The following KCNIP1 variants were observed in gnomAD, a reference collection of about 807,000 sequenced individuals.
KCNIP1 encodes potassium voltage-gated channel interacting protein 1, also known as A-type potassium channel modulatory protein KCNIP1.
KCNIP1 carries 18 observed loss-of-function variants against 33.0 expected under a neutral mutation model. The ratio of observed to expected loss-of-function variants is 0.55; its 90% CI spans 0.38 to 0.81. The LOEUF is 0.81. Ranked by LOEUF, KCNIP1 falls within the 30% of genes least tolerant of loss-of-function variation. The pLI, the probability that KCNIP1 is intolerant of heterozygous loss-of-function variation, is 0.00. For missense variants in KCNIP1, 238 were observed against 271.6 expected (o/e 0.88, Z 0.87); for synonymous variants, 93 against 98.3 (o/e 0.95, Z 0.32).
rs182195770 is a variant in KCNIP1, at chr5:170,567,584, A to T, written c.61+62951A>T. ...CTAACAATCATCACAGAAGCAGCAA[A>T]GATCAAGAAGCAATGGGGAAGGACA... On this transcript the variant is annotated intron_variant, in intron 1 of 7. Coordinates refer to ENST00000328939, the MANE Select transcript of KCNIP1 (RefSeq NM_014592.4). Among the ~76,000 whole-genome samples, 11 of 152,350 alleles carry T rather than the reference A, an allele frequency of 7.2e-5. No individual in the cohort carries two copies. In the East Asian group the frequency reaches 2.1e-3, roughly 29 times the overall value.
intron 1 of KCNIP1, among the ~76,000 whole-genome samples, chr5:170,421,157 T>C (rs1009774976): frequency 6.6e-6 from 1 of 152,158 alleles, no homozygotes. Context: ...CCAGAGAAGA[T>C]GTACAGCCAT....
chr5:170,705,561 C>A (rs557783512), intron 1 of KCNIP1, among the ~76,000 whole-genome samples: 1 of 152,350 alleles, frequency 6.6e-6, no homozygotes, highest in East Asian at 1.9e-4. Flanking sequence ...CCACCACCCA[C>A]AGACCCCCTG....
intron 1 of KCNIP1, among the ~76,000 whole-genome samples, chr5:170,661,023 T>C (rs1761463975): frequency 6.6e-6 from 1 of 152,172 alleles, no homozygotes; most frequent in African/African-American, 2.4e-5. Context: ...AGGTGGCTGA[T>C]GTGATAGAAT....
At chr5:170,394,231 T>C (rs959420580) in intron 1 of KCNIP1, among the ~76,000 whole-genome samples, 1 of 152,310 alleles carries the variant, frequency 6.6e-6, no homozygotes, top group East Asian at 1.9e-4. Context: ...CCGCGCCTCC[T>C]GGGCCAGGCG....
At chr5:170,485,278 G>A (rs1209786519) in intron 1 of KCNIP1, among the ~76,000 whole-genome samples, 2 of 152,170 alleles carry the variant, frequency 1.3e-5, no homozygotes, top group Non-Finnish European at 2.9e-5. Context: ...ACCCTGGCCT[G>A]GCCTGGGCCT....
At chr5:170,726,610 C>T (rs1273510901) in intron 5 of KCNIP1, among the ~76,000 whole-genome samples, 1 of 151,996 alleles carries the variant, frequency 6.6e-6, no homozygotes, top group African/African-American at 2.4e-5. Context: ...ACCCAGAAAT[C>T]CCATTCCAGT....
chr5:170,611,933 G>A (rs1366505051), intron 1 of KCNIP1, among the ~76,000 whole-genome samples: 2 of 152,194 alleles, frequency 1.3e-5, no homozygotes, highest in Non-Finnish European at 2.9e-5. Context: ...CTGAACACGA[G>A]CCAGGCACTG....
At chr5:170,428,967 A>G (rs1301388443) in intron 1 of KCNIP1, among the ~76,000 whole-genome samples, 1 of 151,968 alleles carries the variant, frequency 6.6e-6, no homozygotes, top group African/African-American at 2.4e-5. Context: ...TTCCCATCGT[A>G]TGATAGCCTG....
intron 1 of KCNIP1, among the ~76,000 whole-genome samples, chr5:170,658,173 T>C (rs192345363): frequency 1.3e-5 from 2 of 152,338 alleles, no homozygotes; most frequent in Non-Finnish European, 2.9e-5. Context: ...CTCAGTCCCT[T>C]TTCTGTTGCT....
intron 1 of KCNIP1, among the ~76,000 whole-genome samples, chr5:170,479,597 G>GCTCA (rs1554095331): frequency 2.0e-5 from 3 of 152,142 alleles, no homozygotes; most frequent in Admixed American, 2.0e-4. Flanking sequence ...TAAAATGCAA[G>GCTCA]CTCAGCATGA....
chr5:170,613,798 G>C (rs1333658530), intron 1 of KCNIP1, among the ~76,000 whole-genome samples: 1 of 152,162 alleles, frequency 6.6e-6, no homozygotes, highest in Non-Finnish European at 1.5e-5. Context: ...GGATGACAAA[G>C]AGCTTCTTAA....
At chr5:170,569,808 C>T (rs150825166) in intron 1 of KCNIP1, among the ~76,000 whole-genome samples, 2 of 152,096 alleles carry the variant, frequency 1.3e-5, no homozygotes, top group East Asian at 3.9e-4. Flanking sequence ...CCCTAGTTAG[C>T]TTTGCTAGGA....
At chr5:170,556,070 C>A (rs1424544359) in intron 1 of KCNIP1, among the ~76,000 whole-genome samples, 1 of 152,186 alleles carries the variant, frequency 6.6e-6, no homozygotes, top group African/African-American at 2.4e-5. Context: ...GTTTAGTGAA[C>A]ACAAAATATG....
intron 1 of KCNIP1, among the ~76,000 whole-genome samples, chr5:170,595,512 A>G (rs1270559195): frequency 6.6e-6 from 1 of 152,210 alleles, no homozygotes; most frequent in East Asian, 1.9e-4. Context: ...GGCTCCCTGC[A>G]GGACCCTCTG....
At chr5:170,378,618 G>A in intron 1 of KCNIP1, 2 of 1,368,324 alleles carry the variant, frequency 1.5e-6, no homozygotes, top group East Asian at 4.6e-5. Flanking sequence ...AGGTGGAGAA[G>A]GCATTGTGCT....
At chr5:170,460,994 T>G (rs1756490107) in intron 1 of KCNIP1, among the ~76,000 whole-genome samples, 1 of 152,120 alleles carries the variant, frequency 6.6e-6, no homozygotes, top group Non-Finnish European at 1.5e-5. Flanking sequence ...AATCAGTAGC[T>G]CTTCTATCCA....
At chr5:170,495,608 G>T (rs1002444947) in intron 1 of KCNIP1, among the ~76,000 whole-genome samples, 1 of 152,362 alleles carries the variant, frequency 6.6e-6, no homozygotes, top group East Asian at 1.9e-4. Context: ...TCTGCCTGAG[G>T]TGGAGGACAA....
At chr5:170,404,747 G>A (rs1754992967) in intron 1 of KCNIP1, among the ~76,000 whole-genome samples, 1 of 152,190 alleles carries the variant, frequency 6.6e-6, no homozygotes. Flanking sequence ...ACTCAGTGGG[G>A]TAAAGAAAGT....
intron 1 of KCNIP1, among the ~76,000 whole-genome samples, chr5:170,523,486 A>G (rs370476206): frequency 3.2e-4 from 49 of 152,150 alleles, no homozygotes; most frequent in African/African-American, 1.1e-3. Flanking sequence ...GTCGACTTTG[A>G]AAGAAGAGGG....
Sources: gnomAD v4.1 joint callset for allele counts (sites outside exome capture counted in the v4.1 genomes callset) on GRCh38, gnomAD v4.1.1 for gene constraint, MANE v1.5 for transcripts, NCBI Gene and HGNC (gene_info 2026-07-23, HGNC 2026-07-21) for gene names.